LINGO2: variants seen among roughly 807,000 people sequenced by gnomAD.
The protein encoded by LINGO2 is leucine-rich repeat and immunoglobulin-like domain-containing nogo receptor-interacting protein 2.
LINGO2 carries 14 observed loss-of-function variants against 30.6 expected under a neutral mutation model. The ratio of observed to expected loss-of-function variants is 0.46; its 90% confidence interval spans 0.30 to 0.72. The LOEUF is 0.72. Ranked by LOEUF, LINGO2 falls within the 30% of genes least tolerant of loss-of-function variation. The pLI is 0.07. For synonymous variants in LINGO2, 317 were observed against 288.5 expected (o/e 1.10, Z -1.00); for missense variants, 729 against 751.7 (o/e 0.97, Z 0.35).
rs546169240 is a variant in LINGO2, at chr9:28,418,979, A to G, written c.-278-46111T>C. Among the ~76,000 whole-genome samples, 517 of 152,288 alleles carry G rather than the reference A, an allele frequency of 3.4e-3. 3 individuals carry two copies. The highest frequency in any genetic ancestry group is 0.012 in the African/African-American group (489 of 41,574). On this transcript the variant is annotated intron_variant, in intron 2 of 5. Coordinates refer to ENST00000379992, the Ensembl canonical transcript of LINGO2. The stretch of plus-strand genomic sequence containing the variant: ...CCTCCTTTGATCTATAACATGATCA[A>G]TTACTGAAGTCATTTTCTAATTTTG...
At chr9:28,316,682 T>C (rs947174191) in intron 3 of LINGO2, among the ~76,000 whole-genome samples, 4 of 152,108 alleles carry the variant, frequency 2.6e-5, no homozygotes, top group African/African-American at 9.7e-5. Flanking sequence ...GAAACCAATA[T>C]ACACAGAGTG....
At chr9:28,038,624 C>T (rs7041293) in intron 4 of LINGO2, among the ~76,000 whole-genome samples, 109,303 of 150,160 alleles carry the variant, frequency 0.73, 40,621 homozygotes, top group Non-Finnish European at 0.81. Context: ...ACCCGGGAGG[C>T]GGAGCTTGCA....
At chr9:28,820,791 AT>A in the LINGO2 span, among the ~76,000 whole-genome samples, 1 of 152,202 alleles carries the variant, frequency 6.6e-6, no homozygotes, top group Non-Finnish European at 1.5e-5. Flanking sequence ...GTTTTGGCTA[AT>A]AGAGCTGTGA....
the LINGO2 span, among the ~76,000 whole-genome samples, chr9:29,096,008 T>C: frequency 7.2e-6 from 1 of 138,132 alleles, no homozygotes; most frequent in Admixed American, 7.4e-5. Context: ...ATAAATAGGA[T>C]CATGTTGGAT....
At chr9:29,054,745 A>C in the LINGO2 span, among the ~76,000 whole-genome samples, 2 of 152,206 alleles carry the variant, frequency 1.3e-5, no homozygotes, top group Non-Finnish European at 2.9e-5. Flanking sequence ...CCATTGGTGA[A>C]AACATACAAG....
the LINGO2 span, among the ~76,000 whole-genome samples, chr9:29,039,668 T>A: frequency 6.6e-6 from 1 of 152,252 alleles, no homozygotes; most frequent in Admixed American, 6.5e-5. Context: ...CTAACCTAAA[T>A]CTACTTTAAG....
At chr9:28,280,045 G>A (rs978046488) in intron 4 of LINGO2, among the ~76,000 whole-genome samples, 36 of 152,062 alleles carry the variant, frequency 2.4e-4, no homozygotes, top group African/African-American at 8.5e-4. Context: ...GTTATAAGAT[G>A]GCAGATATTT....
intron 3 of LINGO2, among the ~76,000 whole-genome samples, chr9:28,335,717 C>A (rs1033251353): frequency 6.6e-6 from 1 of 152,060 alleles, no homozygotes; most frequent in Non-Finnish European, 1.5e-5. Flanking sequence ...TAAAGTCAAC[C>A]ATGATCCAAG....
intron 4 of LINGO2, among the ~76,000 whole-genome samples, chr9:28,066,030 T>A (rs992814357): frequency 3.9e-5 from 6 of 152,078 alleles, no homozygotes; most frequent in African/African-American, 1.4e-4. Flanking sequence ...CTGTGGCTCC[T>A]GTATGCCAAA....
chr9:28,923,973 T>C, the LINGO2 span, among the ~76,000 whole-genome samples: 2 of 152,196 alleles, frequency 1.3e-5, no homozygotes, highest in Non-Finnish European at 2.9e-5. Context: ...CACATGATCA[T>C]GCTCGGTCTA....
chr9:28,654,211 A>C (rs1190761359), intron 1 of LINGO2, among the ~76,000 whole-genome samples: 1 of 152,162 alleles, frequency 6.6e-6, no homozygotes, highest in East Asian at 1.9e-4. Context: ...TTAGGACAAG[A>C]GAAAAGCTTT....
At chr9:28,792,934 A>G in the LINGO2 span, among the ~76,000 whole-genome samples, 1 of 152,152 alleles carries the variant, frequency 6.6e-6, no homozygotes, top group African/African-American at 2.4e-5. Flanking sequence ...TCCACTACTC[A>G]TGTAAATTAT....
chr9:29,118,675 TCTA>T, the LINGO2 span, among the ~76,000 whole-genome samples: 2 of 152,042 alleles, frequency 1.3e-5, no homozygotes, highest in Non-Finnish European at 2.9e-5. Flanking sequence ...CAGCTCCAAA[TCTA>T]CTTCTTGGCC....
At chr9:28,686,021 G>C in the LINGO2 span, among the ~76,000 whole-genome samples, 2 of 151,710 alleles carry the variant, frequency 1.3e-5, no homozygotes, top group African/African-American at 2.4e-5. Context: ...AAGTGAGAGA[G>C]AGAATCAATA....
chr9:28,904,844 A>C, the LINGO2 span, among the ~76,000 whole-genome samples: 1 of 152,186 alleles, frequency 6.6e-6, no homozygotes, highest in Admixed American at 6.5e-5. Context: ...AAAATACTAA[A>C]ATTTGTATGA....
intron 3 of LINGO2, among the ~76,000 whole-genome samples, chr9:28,353,902 A>T (rs1267455335): frequency 6.6e-6 from 1 of 152,158 alleles, no homozygotes; most frequent in Non-Finnish European, 1.5e-5. Context: ...CTATCGCAAG[A>T]ACAAAAATCC....
the LINGO2 span, among the ~76,000 whole-genome samples, chr9:29,078,177 G>A: frequency 6.6e-6 from 1 of 151,912 alleles, no homozygotes; most frequent in Non-Finnish European, 1.5e-5. Context: ...AAAAGGAGCA[G>A]CAATTAGAGA....
chr9:29,117,604 A>G, the LINGO2 span, among the ~76,000 whole-genome samples: 3 of 151,952 alleles, frequency 2.0e-5, no homozygotes, highest in African/African-American at 7.3e-5. Flanking sequence ...AAAGGCCATA[A>G]CCTCCAGAGG....
the LINGO2 span, among the ~76,000 whole-genome samples, chr9:28,850,202 A>T: frequency 6.6e-6 from 1 of 152,086 alleles, no homozygotes; most frequent in Non-Finnish European, 1.5e-5. Flanking sequence ...AACAGTAGTA[A>T]GCCAGGCAGA....
Sources: gnomAD v4.1 joint callset for allele counts (sites outside exome capture counted in the v4.1 genomes callset) on GRCh38, gnomAD v4.1.1 for gene constraint, MANE v1.5 for transcripts, NCBI Gene and HGNC (gene_info 2026-07-23, HGNC 2026-07-21) for gene names.